Variants in DIAPH2 observed in about 807,000 individuals in gnomAD.
The protein encoded by DIAPH2 is diaphanous related formin 2.
DIAPH2 carries 35 observed loss-of-function variants against 92.7 expected under a neutral mutation model. The ratio of observed to expected loss-of-function variants is 0.38; its 90% confidence interval spans 0.29 to 0.50. The LOEUF is 0.50. Ranked by LOEUF, DIAPH2 falls within the 20% of genes least tolerant of loss-of-function variation. The pLI, the probability that DIAPH2 is intolerant of heterozygous loss-of-function variation, is 0.94. For synonymous variants in DIAPH2, 301 were observed against 280.4 expected, an observed-to-expected ratio of 1.07 and a Z score of -0.73; for missense variants, 701 against 819.5, an observed-to-expected ratio of 0.86 and a Z score of 1.77.
At chrX:97,257,787 T>C (rs1205605683) in intron 23 of DIAPH2, among the ~76,000 whole-genome samples, 2 of 111,388 alleles carry the variant, frequency 1.8e-5, no homozygotes, top group Non-Finnish European at 3.8e-5. Flanking sequence ...CTACTTCATA[T>C]AAATTGTTAT....
chrX:97,504,652 T>C (rs748611087), intron 26 of DIAPH2, among the ~76,000 whole-genome samples: 2 of 112,419 alleles, frequency 1.8e-5, no homozygotes, highest in Admixed American at 9.5e-5. Context: ...GCAGATCCTG[T>C]ACTTACTGTT....
At chrX:97,557,934 T>G (rs1235917317) in intron 26 of DIAPH2, among the ~76,000 whole-genome samples, 1 of 112,385 alleles carries the variant, frequency 8.9e-6, no homozygotes, top group Admixed American at 9.4e-5. Context: ...CTTAAGCATT[T>G]TAAATATTAC....
intron 3 of DIAPH2, among the ~76,000 whole-genome samples, chrX:96,757,923 C>G (rs1042761097): frequency 2.7e-5 from 3 of 111,490 alleles, no homozygotes; most frequent in East Asian, 5.6e-4. Context: ...TCTTTCTGCT[C>G]AGTAGTTGGC....
intron 25 of DIAPH2, among the ~76,000 whole-genome samples, chrX:97,406,255 A>G (rs905289309): frequency 8.9e-6 from 1 of 111,883 alleles, no homozygotes; most frequent in East Asian, 2.8e-4. Flanking sequence ...TTAAAAATGG[A>G]TGATTAATCC....
chrX:97,560,497 C>G lies in DIAPH2; in HGVS notation c.3242-38756C>G, dbSNP rs985835003. Among the ~76,000 whole-genome samples the G allele has an allele frequency of 4.5e-5, 5 of 110,043 alleles. No individual in the cohort carries two copies. The Admixed American group carries it at 4.8e-4, about 11-fold the overall frequency. ...TGTGTATATTCTTTTCCAACTGTGT[C>G]TTCTTTTTTTTTTAGATGGAGTTTC... On this transcript the variant is annotated intron_variant, in intron 26 of 26. Coordinates refer to ENST00000324765, the MANE Select transcript of DIAPH2 (RefSeq NM_006729.5).
At chrX:97,129,154 T>C (rs1278001037) in intron 21 of DIAPH2, among the ~76,000 whole-genome samples, 34 of 103,458 alleles carry the variant, frequency 3.3e-4, no homozygotes, top group African/African-American at 1.2e-3. Context: ...TTCTTTCTTT[T>C]CTTTTCTTTT....
intron 4 of DIAPH2, among the ~76,000 whole-genome samples, chrX:96,876,828 G>T (rs1230894145): frequency 9.1e-6 from 1 of 109,989 alleles, no homozygotes; most frequent in African/African-American, 3.3e-5. Flanking sequence ...GTTAATGGGT[G>T]CAGCACACCA....
intron 22 of DIAPH2, among the ~76,000 whole-genome samples, chrX:97,212,123 A>C (rs183882412): frequency 5.1e-4 from 57 of 111,883 alleles, no homozygotes; most frequent in Non-Finnish European, 8.7e-4. Flanking sequence ...TTTAGTTCTA[A>C]AATCATTTAG....
chrX:97,341,527 T>G (rs1453521707), intron 23 of DIAPH2, among the ~76,000 whole-genome samples: 6 of 109,781 alleles, frequency 5.5e-5, no homozygotes, highest in African/African-American at 1.3e-4. Flanking sequence ...CATCTATATA[T>G]AGAGAGAGAG....
intron 24 of DIAPH2, among the ~76,000 whole-genome samples, chrX:97,372,808 TAAAAAAAATAC>T (rs2048831157): frequency 9.1e-6 from 1 of 109,587 alleles, no homozygotes; most frequent in African/African-American, 3.3e-5. Flanking sequence ...CTGTCTCTAC[TAAAAAAAATAC>T]AAAAAAAATT....
At chrX:96,686,453 T>G (rs755019031) in intron 1 of DIAPH2, among the ~76,000 whole-genome samples, 1 of 111,606 alleles carries the variant, frequency 9.0e-6, no homozygotes, top group South Asian at 3.7e-4. Flanking sequence ...TCTCTTCCCT[T>G]TAGCCATTTG....
At chrX:96,830,969 A>G (rs767647848) in intron 4 of DIAPH2, among the ~76,000 whole-genome samples, 27 of 111,679 alleles carry the variant, frequency 2.4e-4, no homozygotes, top group Non-Finnish European at 4.7e-4. Context: ...GTGAAGGTAC[A>G]TGTAAAAGAA....
At chrX:97,006,602 G>A (rs936521327) in intron 17 of DIAPH2, among the ~76,000 whole-genome samples, 11 of 111,981 alleles carry the variant, frequency 9.8e-5, no homozygotes, top group African/African-American at 3.6e-4. Flanking sequence ...CATTGGCATG[G>A]AATATCTTTT....
rs1186093855 is a variant in DIAPH2 at position 96,896,702 on chromosome X, G to A, written c.587+14984G>A. On this transcript the variant is annotated intron_variant, in intron 5 of 26. Coordinates refer to ENST00000324765, the MANE Select transcript of DIAPH2 (RefSeq NM_006729.5). Reference sequence around the variant, plus strand: ...AATTAAGACGTGCTTTCTTTACAAAGCATTTATATGTTTGAAAAGCTTTAG... The same window carrying A: ...AATTAAGACGTGCTTTCTTTACAAAACATTTATATGTTTGAAAAGCTTTAG... Among the ~76,000 whole-genome samples, 2 of 111,935 alleles carry A rather than the reference G, an allele frequency of 1.8e-5. 1 individual carries two copies. The highest frequency in any genetic ancestry group is 1.9e-4 in the Admixed American group (2 of 10,500).
At chrX:97,493,566 A>AT (rs939097844) in intron 26 of DIAPH2, among the ~76,000 whole-genome samples, 9 of 109,416 alleles carry the variant, frequency 8.2e-5, no homozygotes, top group East Asian at 5.8e-4. Context: ...CGGCCTGGTT[A>AT]TTTTTTTTTA....
intron 5 of DIAPH2, chrX:96,884,161 C>A: frequency 2.2e-6 from 1 of 463,801 alleles, no homozygotes; most frequent in Non-Finnish European, 3.6e-6. Context: ...CTTGTCACGT[C>A]CTCAGCCTCC....
intron 4 of DIAPH2, among the ~76,000 whole-genome samples, chrX:96,815,311 A>G (rs1569403418): frequency 8.9e-6 from 1 of 112,073 alleles, no homozygotes; most frequent in South Asian, 3.8e-4. Context: ...GCAAGGCTCC[A>G]TGGACGTGGG....
chrX:97,200,209 C>T (rs369515586), intron 22 of DIAPH2, among the ~76,000 whole-genome samples: 4 of 112,362 alleles, frequency 3.6e-5, no homozygotes, highest in East Asian at 2.8e-4. Context: ...TCAGGAGATT[C>T]CCTCGTATGC....
chrX:97,385,562 A>G (rs2069592137), intron 25 of DIAPH2, among the ~76,000 whole-genome samples: 1 of 111,272 alleles, frequency 9.0e-6, no homozygotes, highest in Non-Finnish European at 1.9e-5. Flanking sequence ...TCCTCACACC[A>G]TCTCTATGAG....
Sources: allele counts gnomAD v4.1 joint callset (sites outside exome capture counted in the v4.1 genomes callset), GRCh38; gene constraint gnomAD v4.1.1; transcripts MANE v1.5; gene names NCBI Gene and HGNC (gene_info 2026-07-23, HGNC 2026-07-21).